Variants in LOXHD1 observed in about 807,000 individuals in gnomAD.
LOXHD1 encodes lipoxygenase homology PLAT domains 1, also known as lipoxygenase homology domain-containing protein 1.
LOXHD1 carries 205 observed loss-of-function variants against 248.2 expected under a neutral mutation model. The ratio of observed to expected loss-of-function variants is 0.83; its 90% CI spans 0.74 to 0.93. LOXHD1 has a LOEUF of 0.93. Among genes scored for constraint, LOXHD1 ranks in the 40% least tolerant of loss-of-function variants. The pLI is 0.00. For synonymous variants in LOXHD1, 1,113 were observed against 1,162.8 expected (o/e 0.96, Z 0.87); for missense variants, 2,930 against 2,971.6 (o/e 0.99, Z 0.33).
chr18:46,565,231 A>G (rs572452348), intron 17 of LOXHD1, among the ~76,000 whole-genome samples: 129 of 151,086 alleles, frequency 8.5e-4, no homozygotes, highest in Admixed American at 1.7e-3. Flanking sequence ...ACTGCACTCC[A>G]GCCTGGGCAA....
intron 12 of LOXHD1, among the ~76,000 whole-genome samples, chr18:46,584,238 G>C (rs1179059304): frequency 1.3e-5 from 2 of 152,092 alleles, no homozygotes; most frequent in Admixed American, 1.3e-4. Flanking sequence ...AAGGAGGGGG[G>C]AGGAGAGGAT....
chr18:46,542,499 G>A (rs1488886884), intron 24 of LOXHD1, among the ~76,000 whole-genome samples: 1 of 152,132 alleles, frequency 6.6e-6, no homozygotes, highest in Non-Finnish European at 1.5e-5. Context: ...GTTGATAAAG[G>A]CTTTAAAAAT....
Position 46,477,349 on chromosome 18 carries a change from T to C in LOXHD1, c.*123A>G. ...GGTGGGGAGCAGGACCCCATGAAGT[T>C]CTCAGTGGACTGCTAGCCCCCAGTG... On this transcript the variant is annotated 3_prime_UTR_variant, in exon 41 of 41. Coordinates refer to ENST00000642948, the MANE Select transcript of LOXHD1 (RefSeq NM_001384474.1). 1 of 1,365,838 alleles carries C rather than the reference T, an allele frequency of 7.3e-7. No individual in the cohort carries two copies. The highest frequency in any genetic ancestry group is 1.8e-4 in the Middle Eastern group (1 of 5,654). The allele number at this position is 1,365,838 out of a possible 1,614,324, so 84.6% of individuals were successfully genotyped here. A position where few individuals can be genotyped will look rare whatever the true frequency, so the allele number is the denominator to read the frequency against.
chr18:46,587,007 C>A (rs779735688), intron 12 of LOXHD1, among the ~76,000 whole-genome samples: 3 of 152,136 alleles, frequency 2.0e-5, no homozygotes, highest in Non-Finnish European at 2.9e-5. Flanking sequence ...ACTGATTGTA[C>A]ATAGAGGCCT....
chr18:46,595,014 C>T (rs183067708), intron 8 of LOXHD1, among the ~76,000 whole-genome samples: 3 of 152,324 alleles, frequency 2.0e-5, no homozygotes, highest in East Asian at 3.9e-4. Flanking sequence ...ACTACAGAAT[C>T]CTCTATCAGC....
intron 34 of LOXHD1, among the ~76,000 whole-genome samples, chr18:46,517,532 CTTCTATAAA>C (rs2035320137): frequency 6.6e-6 from 1 of 152,134 alleles, no homozygotes; most frequent in Admixed American, 6.5e-5. Flanking sequence ...ACAAAACAAG[CTTCTATAAA>C]TGTTAGTGTT....
At chr18:46,603,646 G>A (rs950450946) in intron 7 of LOXHD1, among the ~76,000 whole-genome samples, 13 of 152,132 alleles carry the variant, frequency 8.5e-5, no homozygotes, top group Non-Finnish European at 4.4e-5. Context: ...CTTGGACAAG[G>A]CTCTTCCATT....
intron 5 of LOXHD1, among the ~76,000 whole-genome samples, chr18:46,616,342 T>C (rs1448944751): frequency 6.6e-6 from 1 of 152,218 alleles, no homozygotes; most frequent in Non-Finnish European, 1.5e-5. Flanking sequence ...TATTAAAATC[T>C]ACAGTTAATC....
At chr18:46,567,848 T>C (rs1291456887) in intron 16 of LOXHD1, among the ~76,000 whole-genome samples, 2 of 152,136 alleles carry the variant, frequency 1.3e-5, no homozygotes, top group Non-Finnish European at 2.9e-5. Flanking sequence ...CCAGAGCCCA[T>C]GCTCCCAGCC....
chr18:46,565,799 A>T (rs2037627735), intron 17 of LOXHD1, among the ~76,000 whole-genome samples: 1 of 152,224 alleles, frequency 6.6e-6, no homozygotes, highest in South Asian at 2.1e-4. Context: ...TGTTCAGTAC[A>T]GATGTAATTT....
intron 37 of LOXHD1, among the ~76,000 whole-genome samples, chr18:46,497,709 G>A (rs550436982): frequency 6.6e-6 from 1 of 152,264 alleles, no homozygotes; most frequent in East Asian, 1.9e-4. Context: ...TAGGCATTAG[G>A]GAAAGAACAT....
At position 46,524,948 on chromosome 18, in the gene LOXHD1, G is replaced by A. The variant is rs762498296; in HGVS notation, c.4531-31C>T. The A allele has an allele frequency of 1.9e-6, 3 of 1,550,344 alleles. No homozygotes were observed. In the East Asian group the frequency reaches 7.3e-5, roughly 38 times the overall value. On this transcript the variant is annotated intron_variant, in intron 29 of 40. Coordinates refer to ENST00000642948, the MANE Select transcript of LOXHD1 (RefSeq NM_001384474.1). ...GAGCCCAGATGTGGGGACTCATATG[G>A]GGGTGTGCCACCCACTCAACCCACT...
chr18:46,628,435 A>G (rs1451891442), intron 4 of LOXHD1, among the ~76,000 whole-genome samples: 2 of 152,004 alleles, frequency 1.3e-5, no homozygotes, highest in Non-Finnish European at 2.9e-5. Context: ...AGGAACAATG[A>G]CTCCCAAGCA....
chr18:46,651,870 GA>G (rs1568235826), intron 1 of LOXHD1, among the ~76,000 whole-genome samples: 1 of 152,170 alleles, frequency 6.6e-6, no homozygotes, highest in Admixed American at 6.5e-5. Flanking sequence ...TTAATACCCA[GA>G]AATTCCACTT....
chr18:46,560,051 C>CGAG, intron 19 of LOXHD1, 32 bp downstream of exon 19: 1 of 1,310,688 alleles, frequency 7.6e-7, no homozygotes, highest in Non-Finnish European at 1.1e-6. Flanking sequence ...TGGCCACTCC[C>CGAG]TCCCCACCCC....
At chr18:46,564,486 G>T (rs1319871800) in intron 17 of LOXHD1, among the ~76,000 whole-genome samples, 1 of 152,094 alleles carries the variant, frequency 6.6e-6, no homozygotes, top group Non-Finnish European at 1.5e-5. Flanking sequence ...AGTTATGATT[G>T]TGTCACTGCA....
chr18:46,626,310 G>T (rs965068579), intron 4 of LOXHD1, among the ~76,000 whole-genome samples: 5 of 152,236 alleles, frequency 3.3e-5, no homozygotes, highest in Admixed American at 6.5e-5. Context: ...CCAACACTTT[G>T]GGATTATACT....
intron 5 of LOXHD1, among the ~76,000 whole-genome samples, chr18:46,612,058 G>T (rs1023769654): frequency 6.6e-6 from 1 of 152,166 alleles, no homozygotes; most frequent in African/African-American, 2.4e-5. Context: ...CTTGATGATA[G>T]TCATAACTTT....
At chr18:46,487,737 G>A (rs1294665138) in intron 38 of LOXHD1, among the ~76,000 whole-genome samples, 1 of 152,206 alleles carries the variant, frequency 6.6e-6, no homozygotes, top group Non-Finnish European at 1.5e-5. Flanking sequence ...GAGAGAGTCT[G>A]TACTAAAACA....
Sources: gnomAD v4.1 joint callset for allele counts (sites outside exome capture counted in the v4.1 genomes callset) on GRCh38, gnomAD v4.1.1 for gene constraint, MANE v1.5 for transcripts, NCBI Gene and HGNC (gene_info 2026-07-23, HGNC 2026-07-21) for gene names.